The following TYR variants were observed in gnomAD, a reference collection of about 807,000 sequenced individuals.
The protein encoded by TYR is LB24-AB.
Under a neutral mutation model 51.5 loss-of-function variants are expected in TYR, and 58 were observed. The observed-to-expected ratio is 1.13, with a 90% CI of 0.91 to 1.40. The LOEUF (loss-of-function observed/expected upper bound fraction) is 1.40, where lower values mean the gene tolerates loss of function less well. TYR is among the 40% of genes most tolerant of loss of function. TYR has a pLI of 0.00. For synonymous variants in TYR, 263 were observed against 235.2 expected, an observed-to-expected ratio of 1.12 and a Z score of -1.08; for missense variants, 732 against 647.4, an observed-to-expected ratio of 1.13 and a Z score of -1.42.
At chr11:89,190,780 T>A (rs1005832558) in intron 1 of TYR, among the ~76,000 whole-genome samples, 2 of 152,110 alleles carry the variant, frequency 1.3e-5, no homozygotes, top group East Asian at 3.9e-4. Flanking sequence ...GTCCTGTATA[T>A]ACAAGTATGC....
intron 3 of TYR, among the ~76,000 whole-genome samples, chr11:89,264,015 G>T (rs1408758536): frequency 1.3e-5 from 2 of 152,004 alleles, no homozygotes; most frequent in Non-Finnish European, 2.9e-5. Flanking sequence ...TCTTAATGTT[G>T]TAGTAGATTT....
At chr11:89,268,280 A>C (rs1340816358) in intron 3 of TYR, among the ~76,000 whole-genome samples, 1 of 151,890 alleles carries the variant, frequency 6.6e-6, no homozygotes, top group Non-Finnish European at 1.5e-5. Flanking sequence ...CATTTCTTGC[A>C]GTTTTGTTGG....
chr11:89,264,483 T>C (rs1392283692), intron 3 of TYR, among the ~76,000 whole-genome samples: 1 of 151,970 alleles, frequency 6.6e-6, no homozygotes, highest in Non-Finnish European at 1.5e-5. Flanking sequence ...ATAAATTAGT[T>C]CAACCCTTGT....
chr11:89,285,555 C>G (rs1944775264), intron 4 of TYR, among the ~76,000 whole-genome samples: 1 of 151,742 alleles, frequency 6.6e-6, no homozygotes, highest in African/African-American at 2.4e-5. Context: ...GATTTGAGCT[C>G]TAAATAATCT....
At chr11:89,233,205 A>T (rs1468773926) in intron 3 of TYR, among the ~76,000 whole-genome samples, 1 of 142,984 alleles carries the variant, frequency 7.0e-6, no homozygotes, top group Non-Finnish European at 1.5e-5. Flanking sequence ...CCATCTCAAG[A>T]AACTACTTTC....
intron 3 of TYR, among the ~76,000 whole-genome samples, chr11:89,255,842 T>C (rs1944384541): frequency 6.6e-6 from 1 of 151,736 alleles, no homozygotes; most frequent in Non-Finnish European, 1.5e-5. Context: ...ATTTGTCTTT[T>C]TTTAAGAGGC....
chr11:89,203,661 ATGG>A (rs1943629606), intron 2 of TYR, among the ~76,000 whole-genome samples: 1 of 152,160 alleles, frequency 6.6e-6, no homozygotes, highest in Admixed American at 6.6e-5. Context: ...TCACGGTATG[ATGG>A]TGAGTCCCCT....
chr11:89,291,210 C>T (rs1944849595), intron 4 of TYR, among the ~76,000 whole-genome samples: 1 of 151,934 alleles, frequency 6.6e-6, no homozygotes, highest in Non-Finnish European at 1.5e-5. Context: ...TTCATTCTCT[C>T]ATATGTGTTT....
intron 3 of TYR, among the ~76,000 whole-genome samples, chr11:89,229,436 T>C (rs192119015): frequency 1.3e-5 from 2 of 152,176 alleles, no homozygotes; most frequent in Non-Finnish European, 2.9e-5. Flanking sequence ...CACTTTTTGG[T>C]GTAAATTTTT....
chr11:89,215,560 GAATA>G (rs1478098797), intron 2 of TYR, among the ~76,000 whole-genome samples: 2 of 152,180 alleles, frequency 1.3e-5, no homozygotes, highest in South Asian at 2.1e-4. Flanking sequence ...CTTTGGCAAA[GAATA>G]AATGGCTATA....
At chr11:89,184,689 C>T (rs908282098) in intron 1 of TYR, among the ~76,000 whole-genome samples, 1 of 152,024 alleles carries the variant, frequency 6.6e-6, no homozygotes, top group African/African-American at 2.4e-5. Flanking sequence ...AGTTTCTTTT[C>T]GTATATTATG....
At chr11:89,273,572 G>T (rs1590893461) in intron 3 of TYR, among the ~76,000 whole-genome samples, 1 of 151,872 alleles carries the variant, frequency 6.6e-6, no homozygotes, top group East Asian at 1.9e-4. Flanking sequence ...ATCAGACTGT[G>T]AGAGAGACAT....
intron 2 of TYR, 121 bp downstream of exon 2, chr11:89,191,539 G>A: frequency 3.3e-6 from 3 of 921,194 alleles, no homozygotes; most frequent in East Asian, 5.0e-5. Context: ...AATATGTGTT[G>A]TATATACTTA....
chr11:89,207,183 C>A (rs1363300451), intron 2 of TYR, among the ~76,000 whole-genome samples: 1 of 151,902 alleles, frequency 6.6e-6, no homozygotes, highest in African/African-American at 2.4e-5. Flanking sequence ...ATATAACAAG[C>A]AGCTGGTTTT....
chr11:89,214,979 A>G (rs1233328015), intron 2 of TYR, among the ~76,000 whole-genome samples: 1 of 152,192 alleles, frequency 6.6e-6, no homozygotes, highest in African/African-American at 2.4e-5. Context: ...GTAGCCATCT[A>G]AAGTTACAGC....
At chr11:89,189,993 C>T (rs1943421368) in intron 1 of TYR, among the ~76,000 whole-genome samples, 1 of 152,108 alleles carries the variant, frequency 6.6e-6, no homozygotes, top group Admixed American at 6.6e-5. Context: ...TAATATTATA[C>T]ACAATGCATT....
At chr11:89,186,825 TG>T (rs1943379808) in intron 1 of TYR, among the ~76,000 whole-genome samples, 1 of 152,056 alleles carries the variant, frequency 6.6e-6, no homozygotes, top group African/African-American at 2.4e-5. Flanking sequence ...TCATTAACAG[TG>T]GGGTCCTAAT....
In TYR at chr11:89,260,153, C is replaced by G. The variant is rs1019710778; in HGVS notation, c.1185-24620C>G. Among the ~76,000 whole-genome samples, 4 of 151,496 alleles carry G rather than the reference C, an allele frequency of 2.6e-5. No homozygotes were observed. In the East Asian group the frequency reaches 5.9e-4, roughly 22 times the overall value. On this transcript the variant is annotated intron_variant, in intron 3 of 4. Coordinates refer to ENST00000263321, the MANE Select transcript of TYR (RefSeq NM_000372.5). ...AACTGGGTTAAGGCAAGGACGTGTG[C>G]AGTAGTTTCTCATCTACTATCAGAC...
chr11:89,180,796 G>A (rs1006000711), intron 1 of TYR, among the ~76,000 whole-genome samples: 1 of 152,106 alleles, frequency 6.6e-6, no homozygotes, highest in Non-Finnish European at 1.5e-5. Context: ...TAGTGGCAAA[G>A]GTGACAGTCA....
Sources: gnomAD v4.1 joint callset for allele counts (sites outside exome capture counted in the v4.1 genomes callset) on GRCh38, gnomAD v4.1.1 for gene constraint, MANE v1.5 for transcripts, NCBI Gene and HGNC (gene_info 2026-07-23, HGNC 2026-07-21) for gene names.